The following GRM8 variants were observed in gnomAD, a reference collection of about 807,000 sequenced individuals.
GRM8 encodes the protein metabotropic glutamate receptor 8.
Under a neutral mutation model 87.2 loss-of-function variants are expected in GRM8, and 47 were observed. That is an observed-to-expected ratio of 0.54 (90% CI 0.43 to 0.69). GRM8 has a LOEUF of 0.69. GRM8 is among the 30% of genes least tolerant of loss of function. The pLI is 0.00. For missense variants in GRM8, 1,019 were observed against 1,139.2 expected (o/e 0.89, Z 1.52); for synonymous variants, 396 against 404.5 (o/e 0.98, Z 0.25).
In GRM8 at chr7:127,062,029, G is replaced by A. The variant is rs189649269; in HGVS notation, c.727+44467C>T. On this transcript the variant is annotated intron_variant, in intron 3 of 10. Transcript: ENST00000339582. The stretch of plus-strand genomic sequence containing the variant: ...CGTGGTGATGTGTGCCTGTAATCCC[G>A]GCTACTCAGGAGGCTGAGGCAGGAG... 4.0e-5 allele frequency among the ~76,000 whole-genome samples: 6 copies of A among 151,810 alleles called. No homozygotes were observed. The East Asian group carries it at 1.2e-3, about 29-fold the overall frequency.
intron 2 of GRM8, among the ~76,000 whole-genome samples, chr7:127,214,433 T>C (rs1176713837): frequency 6.6e-6 from 1 of 152,196 alleles, no homozygotes; most frequent in East Asian, 1.9e-4. Flanking sequence ...GAAAAATATT[T>C]GGATGTTGTA....
chr7:127,133,407 G>A (rs1383147536), intron 2 of GRM8, among the ~76,000 whole-genome samples: 1 of 151,902 alleles, frequency 6.6e-6, no homozygotes, highest in Non-Finnish European at 1.5e-5. Context: ...AACACAGTGA[G>A]AGTCTGTCTC....
chr7:126,495,829 GTGTT>G (rs1476986137), intron 9 of GRM8, among the ~76,000 whole-genome samples: 1 of 151,970 alleles, frequency 6.6e-6, no homozygotes, highest in Non-Finnish European at 1.5e-5. Flanking sequence ...AAATGTGTGT[GTGTT>G]TGGGTAATGA....
intron 6 of GRM8, among the ~76,000 whole-genome samples, chr7:126,892,021 T>TAAA (rs5887316): frequency 0.35 from 33,454 of 94,490 alleles, 6,193 homozygotes; most frequent in East Asian, 0.61. Flanking sequence ...TCTTGCAGGG[T>TAAA]AAAAAAAAAA....
At chr7:126,892,867 T>G (rs1469430584) in intron 6 of GRM8, among the ~76,000 whole-genome samples, 1 of 152,150 alleles carries the variant, frequency 6.6e-6, no homozygotes, top group Non-Finnish European at 1.5e-5. Context: ...TGGTTTTGAT[T>G]TGCATTTCTC....
At chr7:126,586,660 T>C (rs1034119746) in intron 8 of GRM8, among the ~76,000 whole-genome samples, 9 of 152,264 alleles carry the variant, frequency 5.9e-5, no homozygotes, top group Admixed American at 1.3e-4. Flanking sequence ...CCCTTCCTTA[T>C]ACCTTATACA....
At chr7:126,442,438 T>C (rs17149774) in intron 10 of GRM8, among the ~76,000 whole-genome samples, 6,160 of 152,082 alleles carry the variant, frequency 0.041, 365 homozygotes, top group African/African-American at 0.13. Context: ...GACTTTCATA[T>C]AATCTTCACA....
At chr7:126,577,671 C>T (rs567920903) in intron 8 of GRM8, among the ~76,000 whole-genome samples, 16 of 152,142 alleles carry the variant, frequency 1.1e-4, no homozygotes, top group South Asian at 8.3e-4. Context: ...AAAACTAATT[C>T]GAAAGCAACT....
At chr7:126,582,600 T>C (rs1649849018) in intron 8 of GRM8, among the ~76,000 whole-genome samples, 1 of 152,188 alleles carries the variant, frequency 6.6e-6, no homozygotes, top group Non-Finnish European at 1.5e-5. Context: ...AGACTTCCAT[T>C]GCTAGAAAGA....
At chr7:127,107,778 A>G (rs1228243012) in intron 2 of GRM8, among the ~76,000 whole-genome samples, 1 of 152,176 alleles carries the variant, frequency 6.6e-6, no homozygotes, top group Non-Finnish European at 1.5e-5. Context: ...TCCACCCTTG[A>G]CATACTTGTA....
intron 6 of GRM8, among the ~76,000 whole-genome samples, chr7:126,796,131 C>A (rs1180328988): frequency 6.6e-6 from 1 of 151,964 alleles, no homozygotes; most frequent in Non-Finnish European, 1.5e-5. Flanking sequence ...AAGAATATAT[C>A]TTCATAACGT....
chr7:126,970,039 A>C (rs772871927), intron 3 of GRM8, among the ~76,000 whole-genome samples: 1 of 152,156 alleles, frequency 6.6e-6, no homozygotes, highest in Non-Finnish European at 1.5e-5. Flanking sequence ...GTGAGCACAA[A>C]ATATTCATTA....
intron 6 of GRM8, among the ~76,000 whole-genome samples, chr7:126,773,659 G>A (rs749799581): frequency 7.3e-5 from 11 of 151,666 alleles, no homozygotes; most frequent in Non-Finnish European, 1.5e-4. Context: ...AATTATAATC[G>A]ACATGCTCCA....
chr7:126,741,964 T>A (rs1815056761), intron 7 of GRM8, among the ~76,000 whole-genome samples: 3 of 152,038 alleles, frequency 2.0e-5, no homozygotes, highest in Non-Finnish European at 4.4e-5. Flanking sequence ...CATCCCTCTG[T>A]ATAAGCTTGG....
chr7:126,810,469 G>A (rs573492830), intron 6 of GRM8, among the ~76,000 whole-genome samples: 9 of 152,232 alleles, frequency 5.9e-5, no homozygotes, highest in Non-Finnish European at 1.0e-4. Flanking sequence ...CTTGTCTCAG[G>A]ACAATAGCCA....
At chr7:126,576,041 T>C (rs1219595074) in intron 8 of GRM8, among the ~76,000 whole-genome samples, 1 of 152,196 alleles carries the variant, frequency 6.6e-6, no homozygotes, top group Non-Finnish European at 1.5e-5. Context: ...GAGTAAGCCC[T>C]TTCTAGTCTC....
At chr7:126,697,255 C>A (rs765074877) in intron 7 of GRM8, among the ~76,000 whole-genome samples, 171 of 150,946 alleles carry the variant, frequency 1.1e-3, no homozygotes, top group Non-Finnish European at 6.0e-4. Context: ...TGGAGAAATG[C>A]ACGTCAATGG....
At position 126,609,367 on chromosome 7, in the gene GRM8, G is replaced by A. The variant is rs2151099591; in HGVS notation, c.1489C>T (p.Leu497=). The part of the protein sequence containing the change: ...VIGHWTNQLH[L]KVEDMQWAHR... ...ATGTTTATGACGATACTTGCTTTTA[G>A]ATGAAGCTGATTGGTCCAGTGGCCG... Residue 497 remains leucine (L), a synonymous_variant, in exon 8 of 11, where the codon CTA becomes TTA. Coordinates refer to ENST00000339582, the MANE Select transcript of GRM8 (RefSeq NM_000845.3). 3.7e-6 allele frequency: 6 copies of A among 1,612,670 alleles called. No homozygotes were observed. The highest frequency in any genetic ancestry group is 5.1e-6 in the Non-Finnish European group (6 of 1,178,992).
At chr7:126,583,529 T>C (rs1795816813) in intron 8 of GRM8, among the ~76,000 whole-genome samples, 1 of 152,136 alleles carries the variant, frequency 6.6e-6, no homozygotes, top group African/African-American at 2.4e-5. Context: ...ACATTCAAGA[T>C]TCATTAAAAG....
Sources: allele counts gnomAD v4.1 joint callset (sites outside exome capture counted in the v4.1 genomes callset), GRCh38; gene constraint gnomAD v4.1.1; transcripts MANE v1.5; gene names NCBI Gene and HGNC (gene_info 2026-07-23, HGNC 2026-07-21).